The following PLA2R1 variants were observed in gnomAD, a reference collection of about 807,000 sequenced individuals.
The protein encoded by PLA2R1 is secretory phospholipase A2 receptor.
In PLA2R1, 158 loss-of-function variants were observed where a neutral mutation model predicts 195.9. The ratio of observed to expected loss-of-function variants is 0.81; its 90% CI spans 0.71 to 0.92. The LOEUF is 0.92. PLA2R1 is among the 40% of genes least tolerant of loss of function. PLA2R1 has a pLI of 0.00. For synonymous variants in PLA2R1, 586 were observed against 598.2 expected (o/e 0.98, Z 0.30); for missense variants, 1,626 against 1,764.6 (o/e 0.92, Z 1.41).
At position 159,977,175 on chromosome 2, in the gene PLA2R1, A is replaced by G. The variant is rs113057630; in HGVS notation, c.2401+109T>C. 909 of 830,936 alleles carry G rather than the reference A, an allele frequency of 1.1e-3. 7 individuals carry two copies. In the African/African-American group the frequency reaches 0.014, roughly 13 times the overall value. 51.5% of individuals were successfully genotyped at this position (830,936 alleles called of 1,614,324 possible). ...ATTTTTTGCTAAAGTAGTGTAATTT[A>G]TTTTATCATGCAATTTGTTGATATT... On this transcript the variant is annotated intron_variant, in intron 15 of 29. Transcript: ENST00000283243.
intron 23 of PLA2R1, 128 bp downstream of exon 23, chr2:159,955,071 G>T: frequency 1.5e-6 from 1 of 668,106 alleles, no homozygotes; most frequent in Non-Finnish European, 2.6e-6. Flanking sequence ...TAAAGCCAAA[G>T]AAGAAGTGCC....
chr2:159,972,600 G>A (rs1404021663), intron 17 of PLA2R1, among the ~76,000 whole-genome samples: 1 of 152,112 alleles, frequency 6.6e-6, no homozygotes, highest in Non-Finnish European at 1.5e-5. Context: ...ATATTTTGGA[G>A]GAGGACTAAT....
chr2:160,058,646 ACTTTGT>A (rs1695737615), intron 1 of PLA2R1, among the ~76,000 whole-genome samples: 1 of 151,954 alleles, frequency 6.6e-6, no homozygotes, highest in Non-Finnish European at 1.5e-5. Context: ...CCCGCTGTCC[ACTTTGT>A]ATCTGGAGTA....
intron 5 of PLA2R1, 121 bp from the exon 6 acceptor site, chr2:160,028,482 T>C (rs766707226): frequency 2.8e-6 from 2 of 718,358 alleles, no homozygotes; most frequent in South Asian, 3.4e-5. Flanking sequence ...GTAAATCCTA[T>C]AAGATGTTAT....
chr2:160,061,896 T>C (rs1476093838), intron 1 of PLA2R1, among the ~76,000 whole-genome samples: 1 of 152,190 alleles, frequency 6.6e-6, no homozygotes, highest in African/African-American at 2.4e-5. Context: ...GGGGACGAAC[T>C]GAGCCATCTT....
intron 20 of PLA2R1, among the ~76,000 whole-genome samples, chr2:159,957,131 T>A (rs1314493935): frequency 1.3e-5 from 2 of 152,136 alleles, no homozygotes; most frequent in African/African-American, 4.8e-5. Context: ...AGCCATTTGG[T>A]CACTAAGTCT....
At chr2:159,970,377 T>G (rs1326256459) in intron 17 of PLA2R1, among the ~76,000 whole-genome samples, 165 bp from the exon 18 acceptor site, 1 of 152,204 alleles carries the variant, frequency 6.6e-6, no homozygotes, top group Non-Finnish European at 1.5e-5. Flanking sequence ...GAAACTTCAT[T>G]ATCCTAAAAT....
intron 6 of PLA2R1, among the ~76,000 whole-genome samples, chr2:160,023,196 A>G (rs1197609205): frequency 6.6e-6 from 1 of 152,192 alleles, no homozygotes; most frequent in African/African-American, 2.4e-5. Context: ...CATCTTGTTT[A>G]GGAGCTGGGT....
At chr2:159,997,930 CCATGTATTTAA>C (rs1691330194) in intron 11 of PLA2R1, among the ~76,000 whole-genome samples, 2 of 152,204 alleles carry the variant, frequency 1.3e-5, no homozygotes, top group African/African-American at 4.8e-5. Context: ...GGGTTTTAAA[CCATGTATTTAA>C]CAGAGAGAAT....
chr2:160,030,313 T>G (rs1693777141), intron 4 of PLA2R1, among the ~76,000 whole-genome samples: 1 of 152,260 alleles, frequency 6.6e-6, no homozygotes, highest in African/African-American at 2.4e-5. Flanking sequence ...GGCATTCATA[T>G]GGAATCTCTT....
chr2:160,010,215 C>T (rs1692271409), intron 10 of PLA2R1, among the ~76,000 whole-genome samples: 1 of 152,118 alleles, frequency 6.6e-6, no homozygotes, highest in Non-Finnish European at 1.5e-5. Flanking sequence ...TTATTTTGTA[C>T]CAATATTCTA....
intron 27 of PLA2R1, 171 bp downstream of exon 27, chr2:159,946,630 G>A: frequency 2.2e-6 from 3 of 1,344,402 alleles, no homozygotes; most frequent in Non-Finnish European, 2.9e-6. Flanking sequence ...AAGACAAAAG[G>A]GTAAAGAAAA....
chr2:160,062,141 C>G (rs532939940), intron 1 of PLA2R1, among the ~76,000 whole-genome samples, 154 bp downstream of exon 1: 21 of 152,140 alleles, frequency 1.4e-4, no homozygotes, highest in Middle Eastern at 3.4e-3. Context: ...CCCGCTCCCC[C>G]CATGCTCAGG....
chr2:159,964,344 A>G (rs1688646069), intron 20 of PLA2R1, among the ~76,000 whole-genome samples: 1 of 152,246 alleles, frequency 6.6e-6, no homozygotes, highest in African/African-American at 2.4e-5. Flanking sequence ...AATTAATGCC[A>G]TTGAATTGTA....
chr2:160,062,299 C>A lies in PLA2R1; in HGVS notation c.105G>T (p.Trp35Cys), dbSNP rs1170340854. 1.3e-6 allele frequency: 2 copies of A among 1,495,500 alleles called. No homozygotes were observed. Among genetic ancestry groups the A allele is most frequent in the Non-Finnish European group, 8.9e-7 (1 of 1,122,754 alleles). 92.6% of individuals were successfully genotyped at this position (1,495,500 alleles called of 1,614,324 possible). ...AALTPERLLE[W>C]QDKGIFVIQS... is the part of the protein sequence containing the mutation. ...CCCCGACCCTGGGAGACTCACCCTGCCACTCCAGGAGCCGCTCGGGGGTAA... is the reference window on the plus strand; with the variant it reads ...CCCCGACCCTGGGAGACTCACCCTGACACTCCAGGAGCCGCTCGGGGGTAA... The change falls in exon 1 of 30, where the codon TGG (tryptophan) becomes TGT (cysteine). Residue 35 changes from tryptophan to cysteine, a missense_variant. Trp to Cys is a radical substitution (Grantham distance 215). Transcript: ENST00000283243.
At chr2:160,024,234 C>T (rs907242) in intron 6 of PLA2R1, among the ~76,000 whole-genome samples, 1,964 of 152,300 alleles carry the variant, frequency 0.013, 46 homozygotes, top group African/African-American at 0.045. Context: ...CCCCTCCATC[C>T]TTGAGGCTTT....
chr2:159,931,752 A>C (rs1686599261), downstream of PLA2R1, among the ~76,000 whole-genome samples: 1 of 152,132 alleles, frequency 6.6e-6, no homozygotes, highest in African/African-American at 2.4e-5. Flanking sequence ...TTTACGAAAA[A>C]CCAGAGATTG....
At chr2:160,006,888 A>G (rs944038717) in intron 10 of PLA2R1, among the ~76,000 whole-genome samples, 1 of 152,252 alleles carries the variant, frequency 6.6e-6, no homozygotes, top group Non-Finnish European at 1.5e-5. Context: ...TATGAATAGA[A>G]GAGTCTCAAA....
chr2:159,987,001 T>A (rs1265268844), intron 12 of PLA2R1, among the ~76,000 whole-genome samples, 155 bp downstream of exon 12: 2 of 152,028 alleles, frequency 1.3e-5, no homozygotes, highest in African/African-American at 4.8e-5. Flanking sequence ...ATTGAAAGGA[T>A]AGAGACAGGC....
Sources: gnomAD v4.1 joint callset for allele counts (sites outside exome capture counted in the v4.1 genomes callset) on GRCh38, gnomAD v4.1.1 for gene constraint, MANE v1.5 for transcripts, NCBI Gene and HGNC (gene_info 2026-07-23, HGNC 2026-07-21) for gene names.